FYB2: variants seen among roughly 807,000 people sequenced by gnomAD.
The protein encoded by FYB2 is FYN-binding protein 2.
Under a neutral mutation model 94.1 loss-of-function variants are expected in FYB2, and 103 were observed. The observed-to-expected ratio is 1.09, with a 90% confidence interval of 0.93 to 1.29. The LOEUF is 1.29. Among genes scored for constraint, FYB2 ranks in the 50% most tolerant of loss-of-function variants. The pLI is 0.00. For synonymous variants in FYB2, 293 were observed against 287.9 expected, an observed-to-expected ratio of 1.02 and a Z score of -0.18; for missense variants, 896 against 841.5, an observed-to-expected ratio of 1.06 and a Z score of -0.80.
intron 1 of FYB2, among the ~76,000 whole-genome samples, chr1:56,797,905 T>C (rs1646436625): frequency 6.6e-6 from 1 of 152,088 alleles, no homozygotes; most frequent in African/African-American, 2.4e-5. Flanking sequence ...GAATGTAAAC[T>C]CTTTGAAGGT....
At chr1:56,800,944 C>A (rs189215639) in intron 1 of FYB2, among the ~76,000 whole-genome samples, 27 of 152,214 alleles carry the variant, frequency 1.8e-4, no homozygotes, top group Non-Finnish European at 3.5e-4. Flanking sequence ...CTTGTCTTCC[C>A]CTAAAACATC....
chr1:56,754,999 T>C (rs902786591), intron 7 of FYB2, among the ~76,000 whole-genome samples: 1 of 152,096 alleles, frequency 6.6e-6, no homozygotes, highest in South Asian at 2.1e-4. Flanking sequence ...GTTTTCTCCA[T>C]GATTCAGCAC....
At chr1:56,733,987 T>C (rs1425477764) in intron 15 of FYB2, among the ~76,000 whole-genome samples, 1 of 152,158 alleles carries the variant, frequency 6.6e-6, no homozygotes, top group African/African-American at 2.4e-5. Context: ...TCTGTCTCAT[T>C]GATCTGTTTA....
chr1:56,789,794 G>A (rs1198784020), intron 2 of FYB2, among the ~76,000 whole-genome samples: 1 of 152,190 alleles, frequency 6.6e-6, no homozygotes, highest in Non-Finnish European at 1.5e-5. Flanking sequence ...CCAGCACCAA[G>A]CACAGGGCCT....
intron 2 of FYB2, among the ~76,000 whole-genome samples, chr1:56,790,514 T>C (rs1051965095): frequency 4.6e-5 from 7 of 152,216 alleles, no homozygotes; most frequent in African/African-American, 1.7e-4. Context: ...CATTCTTCTT[T>C]CCTTTCTCTC....
At chr1:56,757,754 CTTTTCATTCTTTCTTTTTCTTTTT>C (rs1645389337) in intron 6 of FYB2, among the ~76,000 whole-genome samples, 9 of 62,976 alleles carry the variant, frequency 1.4e-4, no homozygotes, top group African/African-American at 7.8e-4. Flanking sequence ...TTCTTTCTTT[CTTTTCATTCTTTCTTTTTCTTTTT>C]TTTTTGATAC....
chr1:56,755,992 T>C, intron 6 of FYB2, 65 bp from the exon 7 acceptor site: 1 of 1,492,280 alleles, frequency 6.7e-7, no homozygotes, highest in Non-Finnish European at 9.3e-7. Flanking sequence ...GTTGTTTGGT[T>C]ACAGATCATT....
rs1054008251 is a variant in FYB2 at position 56,790,453 on chromosome 1, A to G, written c.758-1319T>C. Among the ~76,000 whole-genome samples, 15 of 152,218 alleles carry G rather than the reference A, an allele frequency of 9.9e-5. No individual in the cohort carries two copies. In the South Asian group the frequency reaches 2.1e-3, roughly 21 times the overall value. On this transcript the variant is annotated intron_variant, in intron 2 of 19. Transcript: ENST00000343433. ...TACCAGGCACTGTGCTAAGTAGTTTACATCCGTTATCTCACTTAACTTTCT... is the reference window on the plus strand; with the variant it reads ...TACCAGGCACTGTGCTAAGTAGTTTGCATCCGTTATCTCACTTAACTTTCT...
chr1:56,734,509 G>A (rs1428083679), intron 15 of FYB2, among the ~76,000 whole-genome samples: 1 of 152,050 alleles, frequency 6.6e-6, no homozygotes, highest in Admixed American at 6.6e-5. Flanking sequence ...CATGTCCTTT[G>A]CAGGGACATG....
At chr1:56,745,114 A>G (rs900943659) in intron 9 of FYB2, among the ~76,000 whole-genome samples, 1 of 152,020 alleles carries the variant, frequency 6.6e-6, no homozygotes, top group African/African-American at 2.4e-5. Context: ...TTTCTCAAGG[A>G]GTTATCAGTA....
intron 7 of FYB2, among the ~76,000 whole-genome samples, chr1:56,754,998 A>C (rs1645291169): frequency 6.6e-6 from 1 of 152,080 alleles, no homozygotes; most frequent in Admixed American, 6.6e-5. Flanking sequence ...GGTTTTCTCC[A>C]TGATTCAGCA....
intron 4 of FYB2, among the ~76,000 whole-genome samples, chr1:56,768,665 C>T (rs1645683517): frequency 6.6e-6 from 1 of 152,152 alleles, no homozygotes; most frequent in African/African-American, 2.4e-5. Flanking sequence ...CTTCCACAAT[C>T]CACGGCACCT....
chr1:56,825,359 G>C, the FYB2 span, among the ~76,000 whole-genome samples: 1 of 152,156 alleles, frequency 6.6e-6, no homozygotes, highest in African/African-American at 2.4e-5. Context: ...ACAAGCAACA[G>C]AACCTGGAAG....
At chr1:56,803,793 T>C (rs1646575048) in intron 1 of FYB2, among the ~76,000 whole-genome samples, 2 of 152,194 alleles carry the variant, frequency 1.3e-5, no homozygotes, top group South Asian at 2.1e-4. Flanking sequence ...TCACAGCCCA[T>C]GCTTCACCTG....
Position 56,792,442 on chromosome 1 carries a change from A to T in FYB2, c.371T>A (p.Ile124Lys). The change falls in exon 2 of 20, where the codon ATA (isoleucine) becomes AAA (lysine). Residue 124 changes from isoleucine to lysine, a missense_variant. Coordinates refer to ENST00000343433, the MANE Select transcript of FYB2 (RefSeq NM_001004303.5). ...CACCATTACTTTTTCCTTAGTGATTATCTCAACATTTGATTGAGTCACCTC... is the reference window on the plus strand; with the variant it reads ...CACCATTACTTTTTCCTTAGTGATTTTCTCAACATTTGATTGAGTCACCTC... Reference protein sequence around the residue: ...LLEVTQSNVEIITKEKVMVAN... With the variant: ...LLEVTQSNVEKITKEKVMVAN... The T allele has an allele frequency of 6.2e-7, 1 of 1,614,192 alleles. No individual in the cohort carries two copies. Among genetic ancestry groups the T allele is most frequent in the Non-Finnish European group, 8.5e-7 (1 of 1,180,030 alleles).
intron 15 of FYB2, among the ~76,000 whole-genome samples, chr1:56,730,847 T>A (rs1644692314): frequency 1.3e-5 from 2 of 151,850 alleles, no homozygotes. Context: ...AAATTACAGG[T>A]CGATATCCCT....
chr1:56,771,230 C>G (rs772763678), intron 4 of FYB2, among the ~76,000 whole-genome samples: 2 of 151,680 alleles, frequency 1.3e-5, no homozygotes, highest in Non-Finnish European at 2.9e-5. Context: ...TGTTCCTTAG[C>G]GAGAAAATGC....
chr1:56,801,252 G>A (rs896769519), intron 1 of FYB2, among the ~76,000 whole-genome samples: 1 of 151,992 alleles, frequency 6.6e-6, no homozygotes, highest in Non-Finnish European at 1.5e-5. Flanking sequence ...CTCTATTCCT[G>A]GGTCAGGAAG....
chr1:56,726,269 A>G (rs549036010), intron 16 of FYB2, among the ~76,000 whole-genome samples: 1 of 152,162 alleles, frequency 6.6e-6, no homozygotes, highest in Admixed American at 6.6e-5. Context: ...CTATCCACCA[A>G]AAGTAGGGAG....
Sources: allele counts gnomAD v4.1 joint callset (sites outside exome capture counted in the v4.1 genomes callset), GRCh38; gene constraint gnomAD v4.1.1; transcripts MANE v1.5; gene names NCBI Gene and HGNC (gene_info 2026-07-23, HGNC 2026-07-21).